SAMD12: variants seen among roughly 807,000 people sequenced by gnomAD.
SAMD12 encodes the protein sterile alpha motif domain-containing protein 12.
SAMD12 carries 9 observed loss-of-function variants against 15.0 expected under a neutral mutation model. That is an observed-to-expected ratio of 0.60 (90% CI 0.36 to 1.05). The LOEUF is 1.05. Ranked by LOEUF, SAMD12 falls within the 50% of genes least tolerant of loss-of-function variation. The pLI is 0.01. For synonymous variants in SAMD12, 86 were observed against 90.1 expected, an observed-to-expected ratio of 0.96 and a Z score of 0.25; for missense variants, 230 against 234.2, an observed-to-expected ratio of 0.98 and a Z score of 0.12.
At chr8:118,563,012 A>C (rs1826753017) in intron 2 of SAMD12, among the ~76,000 whole-genome samples, 1 of 152,238 alleles carries the variant, frequency 6.6e-6, no homozygotes, top group Non-Finnish European at 1.5e-5. Context: ...TGAAAAACAG[A>C]AACAAAAGGT....
chr8:118,186,199 T>C (rs1208481047), downstream of SAMD12, among the ~76,000 whole-genome samples: 2 of 152,178 alleles, frequency 1.3e-5, no homozygotes, highest in Middle Eastern at 3.2e-3. Context: ...GCTGACTTGA[T>C]TATGGAATAT....
chr8:118,435,320 ATT>A (rs1476006709), intron 3 of SAMD12, among the ~76,000 whole-genome samples: 1 of 152,188 alleles, frequency 6.6e-6, no homozygotes, highest in African/African-American at 2.4e-5. Context: ...CTATTTTATC[ATT>A]AGTTCTTGTT....
intron 4 of SAMD12, among the ~76,000 whole-genome samples, chr8:118,222,836 T>A (rs1812112275): frequency 6.6e-6 from 1 of 152,152 alleles, no homozygotes; most frequent in South Asian, 2.1e-4. Flanking sequence ...CACAGAGCTC[T>A]TGGTGGACTC....
In SAMD12 at chr8:118,266,992, C is replaced by T. The variant is rs930552433; in HGVS notation, c.434-69260G>A. ...TAAGAAAGTATATTTTAAGCATTCT[C>T]GCCACAAAAAATGGTAACTGTGAGA... On this transcript the variant is annotated intron_variant, in intron 4 of 4. Transcript: ENST00000409003. 1.4e-4 allele frequency among the ~76,000 whole-genome samples: 22 copies of T among 152,126 alleles called. No homozygotes were observed. The South Asian group carries it at 1.9e-3, about 13-fold the overall frequency.
the SAMD12 span, among the ~76,000 whole-genome samples, chr8:118,157,166 G>A: frequency 2.6e-5 from 4 of 152,158 alleles, no homozygotes; most frequent in Non-Finnish European, 5.9e-5. Flanking sequence ...ATCAAAACTT[G>A]AAAATGGTAT....
chr8:118,606,417 A>T (rs943838913), intron 1 of SAMD12, among the ~76,000 whole-genome samples: 20 of 152,182 alleles, frequency 1.3e-4, no homozygotes, highest in African/African-American at 4.6e-4. Flanking sequence ...CACCTGTTCC[A>T]GCTGCCAGTG....
the SAMD12 span, among the ~76,000 whole-genome samples, chr8:118,176,556 T>C: frequency 6.6e-6 from 1 of 152,154 alleles, no homozygotes; most frequent in Admixed American, 6.5e-5. Context: ...AGTGAATTAA[T>C]GCAAGAACAC....
intron 4 of SAMD12, among the ~76,000 whole-genome samples, chr8:118,240,601 T>C (rs1382682734): frequency 1.3e-5 from 2 of 152,138 alleles, no homozygotes; most frequent in African/African-American, 4.8e-5. Context: ...AAATGGTGCT[T>C]GTTAAACACA....
chr8:118,304,672 A>C (rs1311172046), intron 4 of SAMD12, among the ~76,000 whole-genome samples: 2 of 151,886 alleles, frequency 1.3e-5, no homozygotes, highest in East Asian at 1.9e-4. Context: ...AGGCAGGGGA[A>C]TGGCGTGAAC....
At chr8:118,589,020 A>C (rs887688417) in intron 1 of SAMD12, among the ~76,000 whole-genome samples, 6 of 152,238 alleles carry the variant, frequency 3.9e-5, no homozygotes, top group African/African-American at 1.2e-4. Flanking sequence ...AATGTCCAGA[A>C]GGGTAATTCA....
At chr8:118,319,718 G>A (rs1816131459) in intron 4 of SAMD12, among the ~76,000 whole-genome samples, 1 of 152,196 alleles carries the variant, frequency 6.6e-6, no homozygotes, top group African/African-American at 2.4e-5. Flanking sequence ...GGGTGAGAAA[G>A]AGGGAGCAAC....
intron 4 of SAMD12, among the ~76,000 whole-genome samples, chr8:118,240,222 TC>T (rs1294198075): frequency 6.6e-6 from 1 of 152,102 alleles, no homozygotes; most frequent in East Asian, 1.9e-4. Flanking sequence ...GGTGGAGTCT[TC>T]AGATGACTGC....
intron 2 of SAMD12, among the ~76,000 whole-genome samples, chr8:118,466,727 ATAT>A (rs1243655129): frequency 6.6e-6 from 1 of 152,198 alleles, no homozygotes; most frequent in Non-Finnish European, 1.5e-5. Context: ...ATTCATATTA[ATAT>A]TATTAGCCTA....
intron 4 of SAMD12, among the ~76,000 whole-genome samples, chr8:118,360,034 G>C (rs1818412600): frequency 6.6e-6 from 1 of 152,076 alleles, no homozygotes; most frequent in Non-Finnish European, 1.5e-5. Flanking sequence ...TGGAGCTCTG[G>C]GTCAAAGCCA....
chr8:118,285,479 C>T (rs1184823490), intron 4 of SAMD12, among the ~76,000 whole-genome samples: 2 of 152,190 alleles, frequency 1.3e-5, no homozygotes, highest in Admixed American at 1.3e-4. Context: ...ATGCCATTTT[C>T]TCAGGTCACT....
chr8:118,333,903 G>C (rs1816925477), intron 4 of SAMD12, among the ~76,000 whole-genome samples: 1 of 142,358 alleles, frequency 7.0e-6, no homozygotes, highest in Non-Finnish European at 1.5e-5. Context: ...ATGTGTGTGT[G>C]TGTGTGCACG....
the SAMD12 span, among the ~76,000 whole-genome samples, chr8:118,151,259 C>A: frequency 6.6e-6 from 1 of 151,810 alleles, no homozygotes; most frequent in African/African-American, 2.4e-5. Flanking sequence ...ATTGGTATTT[C>A]TTTTTTATGT....
chr8:118,174,063 G>C, the SAMD12 span, among the ~76,000 whole-genome samples: 1 of 152,136 alleles, frequency 6.6e-6, no homozygotes, highest in Non-Finnish European at 1.5e-5. Context: ...TCAAATCTTG[G>C]TCCTGCCAGT....
intron 3 of SAMD12, among the ~76,000 whole-genome samples, chr8:118,388,811 C>T (rs900499629): frequency 3.9e-5 from 6 of 152,234 alleles, no homozygotes; most frequent in East Asian, 1.9e-4. Context: ...GTCTTTACCA[C>T]CCTATGGAGG....
Sources: gnomAD v4.1 joint callset for allele counts (sites outside exome capture counted in the v4.1 genomes callset) on GRCh38, gnomAD v4.1.1 for gene constraint, MANE v1.5 for transcripts, NCBI Gene and HGNC (gene_info 2026-07-23, HGNC 2026-07-21) for gene names.